KIF2A: variants seen among roughly 807,000 people sequenced by gnomAD.
KIF2A encodes kinesin family member 2A, also known as kinesin-like protein KIF2A.
A neutral mutation model predicts 100.2 loss-of-function variants in KIF2A; 22 were observed. The observed-to-expected ratio is 0.22, with a 90% CI of 0.16 to 0.31. KIF2A has a LOEUF of 0.31. Among genes scored for constraint, KIF2A ranks in the 10% least tolerant of loss-of-function variants. The pLI is 1.00. For missense variants in KIF2A, 495 were observed against 898.7 expected (o/e 0.55, Z 5.74); for synonymous variants, 268 against 285.9 (o/e 0.94, Z 0.63).
intron 1 of KIF2A, among the ~76,000 whole-genome samples, chr5:62,344,280 G>T (rs1170406048): frequency 6.6e-6 from 1 of 151,244 alleles, no homozygotes; most frequent in Non-Finnish European, 1.5e-5. Context: ...GGAGGTGGAG[G>T]TTGCAGTGAG....
At chr5:62,365,379 G>A (rs1580082135) in intron 15 of KIF2A, 26 bp downstream of exon 15, 1 of 1,220,176 alleles carries the variant, frequency 8.2e-7, no homozygotes, top group Non-Finnish European at 1.2e-6. Flanking sequence ...TTTTTTGTTT[G>A]TTTTATTTTA....
chr5:62,374,695 C>T (rs1741467350), intron 18 of KIF2A, among the ~76,000 whole-genome samples: 1 of 152,076 alleles, frequency 6.6e-6, no homozygotes, highest in African/African-American at 2.4e-5. Flanking sequence ...AATCCGAGGC[C>T]GAGGTGGGCG....
At chr5:62,352,121 C>A (rs1747883285) in intron 4 of KIF2A, among the ~76,000 whole-genome samples, 1 of 147,388 alleles carries the variant, frequency 6.8e-6, no homozygotes, top group South Asian at 2.1e-4. Flanking sequence ...CCACTGCACT[C>A]CAACCTGGGC....
At chr5:62,320,684 T>G (rs1746052442) in intron 1 of KIF2A, among the ~76,000 whole-genome samples, 1 of 152,148 alleles carries the variant, frequency 6.6e-6, no homozygotes, top group Non-Finnish European at 1.5e-5. Flanking sequence ...ATAGCCAATA[T>G]AGAAAAATAA....
At chr5:62,364,430 GCCAC>G (rs1740969470) in intron 14 of KIF2A, among the ~76,000 whole-genome samples, 1 of 152,162 alleles carries the variant, frequency 6.6e-6, no homozygotes, top group Non-Finnish European at 1.5e-5. Flanking sequence ...ACAGGCGTGA[GCCAC>G]CGCGCCCGGC....
chr5:62,312,826 G>T (rs1290295475), intron 1 of KIF2A, among the ~76,000 whole-genome samples: 1 of 152,176 alleles, frequency 6.6e-6, no homozygotes, highest in Admixed American at 6.5e-5. Flanking sequence ...TGTAATTCCA[G>T]CACTTTGGAG....
chr5:62,368,478 C>T (rs1741185949), intron 16 of KIF2A, among the ~76,000 whole-genome samples: 1 of 152,062 alleles, frequency 6.6e-6, no homozygotes, highest in Admixed American at 6.6e-5. Flanking sequence ...ATAATCACTT[C>T]TTTAAAAATG....
chr5:62,339,409 C>T (rs978653355), intron 1 of KIF2A, among the ~76,000 whole-genome samples: 1 of 151,494 alleles, frequency 6.6e-6, no homozygotes, highest in Non-Finnish European at 1.5e-5. Flanking sequence ...ATAGGGATTA[C>T]AATTCCACGT....
At chr5:62,380,462 G>A (rs1741726150) in intron 19 of KIF2A, among the ~76,000 whole-genome samples, 1 of 152,120 alleles carries the variant, frequency 6.6e-6, no homozygotes, top group Admixed American at 6.6e-5. Flanking sequence ...CATCTTTCAT[G>A]TGTTTGTGTT....
At chr5:62,323,121 T>A (rs1580008781) in intron 1 of KIF2A, among the ~76,000 whole-genome samples, 1 of 151,652 alleles carries the variant, frequency 6.6e-6, no homozygotes, top group East Asian at 1.9e-4. Flanking sequence ...CCAGGCATGG[T>A]GGCGCATGCC....
intron 4 of KIF2A, 83 bp downstream of exon 4, chr5:62,350,203 C>A: frequency 4.2e-6 from 3 of 713,818 alleles, no homozygotes; most frequent in Non-Finnish European, 6.9e-6. Context: ...TAAACATTAC[C>A]CTTGATGTTG....
At chr5:62,315,822 A>G (rs1475906163) in intron 1 of KIF2A, among the ~76,000 whole-genome samples, 1 of 152,210 alleles carries the variant, frequency 6.6e-6, no homozygotes, top group African/African-American at 2.4e-5. Context: ...TGAAAATGAG[A>G]GGTAGCATGG....
chr5:62,361,437 C>G (rs759447626), intron 10 of KIF2A, 29 bp from the exon 11 acceptor site: 3 of 1,481,090 alleles, frequency 2.0e-6, no homozygotes, highest in Non-Finnish European at 2.8e-6. Flanking sequence ...TGAGTAATGT[C>G]TGTTCTTTAT....
At position 62,386,964 on chromosome 5, in the gene KIF2A, TTTTGA is replaced by T. The variant is rs1742060278; in HGVS notation, c.*1399_*1403del. Among the ~76,000 whole-genome samples, 1 of 152,178 alleles carries T rather than the reference TTTTGA, an allele frequency of 6.6e-6. No individual in the cohort carries two copies. The highest frequency in any genetic ancestry group is 2.4e-5 in the African/African-American group (1 of 41,434). On this transcript the variant is annotated 3_prime_UTR_variant, in exon 21 of 21. Coordinates refer to ENST00000407818, the MANE Select transcript of KIF2A (RefSeq NM_001098511.3). Reference sequence around the variant, plus strand: ...CTAAAAATCTCCCAAGGATATCTTGTTTTGATTTATTTACTCCAGGGAACTATCAG... The same window carrying T: ...CTAAAAATCTCCCAAGGATATCTTGTTTTATTTACTCCAGGGAACTATCAG...
chr5:62,310,265 G>C (rs904409046), intron 1 of KIF2A, among the ~76,000 whole-genome samples: 2 of 151,828 alleles, frequency 1.3e-5, no homozygotes, highest in African/African-American at 4.8e-5. Context: ...CGTTGGCCAG[G>C]CTGGTCTCGA....
rs1354289766 is a variant in KIF2A at position 62,314,763 on chromosome 5, T to TTTG, written c.64+8229_64+8230insGTT. ...TACTGTGCTGAGAATGAACTGTTTTTTTTTTTTTTTTTTTTTTAAGATGGA... is the reference window on the plus strand; with the variant it reads ...TACTGTGCTGAGAATGAACTGTTTTTTTGTTTTTTTTTTTTTTTTTAAGATGGA... On this transcript the variant is annotated intron_variant, in intron 1 of 20. Coordinates refer to ENST00000407818, the MANE Select transcript of KIF2A (RefSeq NM_001098511.3). Among the ~76,000 whole-genome samples the TTTG allele has an allele frequency of 5.5e-5, 8 of 146,322 alleles. No individual in the cohort carries two copies. In the South Asian group the frequency reaches 1.6e-3, roughly 29 times the overall value.
chr5:62,325,844 A>G (rs1022881864), intron 1 of KIF2A, among the ~76,000 whole-genome samples: 1 of 152,250 alleles, frequency 6.6e-6, no homozygotes, highest in Admixed American at 6.5e-5. Context: ...TCATATGTTC[A>G]TTGCAGTACA....
intron 1 of KIF2A, chr5:62,311,888 A>AG (rs1316654437): frequency 6.6e-6 from 1 of 152,208 alleles, no homozygotes; most frequent in African/African-American, 2.4e-5. Context: ...TGAGGTAAGC[A>AG]GGATAGAAAG....
chr5:62,331,484 A>T (rs529274194), intron 1 of KIF2A, among the ~76,000 whole-genome samples: 2 of 152,148 alleles, frequency 1.3e-5, no homozygotes, highest in South Asian at 4.2e-4. Flanking sequence ...GCTCCTTGGG[A>T]GGCTGAGGCA....
Sources: gnomAD v4.1 joint callset for allele counts (sites outside exome capture counted in the v4.1 genomes callset) on GRCh38, gnomAD v4.1.1 for gene constraint, MANE v1.5 for transcripts, NCBI Gene and HGNC (gene_info 2026-07-23, HGNC 2026-07-21) for gene names.